Variants in EPCAM observed in about 807,000 individuals in gnomAD.
EPCAM encodes the protein adenocarcinoma-associated antigen.
Under a neutral mutation model 40.0 loss-of-function variants are expected in EPCAM, and 39 were observed. The ratio of observed to expected loss-of-function variants is 0.98; its 90% confidence interval spans 0.76 to 1.27. The LOEUF (loss-of-function observed/expected upper bound fraction) is 1.27. Ranked by LOEUF, EPCAM falls within the 50% of genes most tolerant of loss-of-function variation. The pLI, the probability that EPCAM is intolerant of heterozygous loss-of-function variation, is 0.00. For synonymous variants in EPCAM, 168 were observed against 132.3 expected (o/e 1.27, Z -1.85); for missense variants, 503 against 381.2 (o/e 1.32, Z -2.66).
rs2103759292 is a variant in EPCAM, at chr2:47,379,915, T to A, written c.804T>A (p.Val268=). The change falls in exon 7 of 9, where the codon GTT becomes GTA. Residue 268 remains valine, a synonymous_variant. Transcript: ENST00000263735. Reference sequence around the variant, plus strand: ...CAATGCAGGGTCTAAAAGCTGGTGTTATTGCTGTTATTGTGGTTGTGGTGA... The same window carrying A: ...CAATGCAGGGTCTAAAAGCTGGTGTAATTGCTGTTATTGTGGTTGTGGTGA... ...EFSMQGLKAG[V]IAVIVVVVIA... 6.2e-7 allele frequency: 1 copy of A among 1,614,118 alleles called. No homozygotes were observed. The highest frequency in any genetic ancestry group is 8.5e-7 in the Non-Finnish European group (1 of 1,180,006).
intron 7 of EPCAM, among the ~76,000 whole-genome samples, chr2:47,382,391 G>A (rs1273958241): frequency 1.3e-5 from 2 of 152,192 alleles, no homozygotes; most frequent in East Asian, 3.9e-4. Context: ...AGCATTGCTT[G>A]TAAAGGTGAA....
At chr2:47,379,273 T>C (rs950129081) in intron 6 of EPCAM, among the ~76,000 whole-genome samples, 4 of 152,224 alleles carry the variant, frequency 2.6e-5, no homozygotes, top group Non-Finnish European at 4.4e-5. Context: ...CCCTCTTTCT[T>C]ATAATTCTTA....
In EPCAM at chr2:47,378,939, A is replaced by AT; in HGVS notation, c.556-7dup. On this transcript the variant is annotated splice_polypyrimidine_tract_variant and intron_variant, in intron 5 of 8. Transcript: ENST00000263735. The stretch of plus-strand genomic sequence containing the variant: ...TATTAGTATTAATTTGTATTATTCA[A>AT]TTTTTTTCCCCAGTATGAGAATAAT... The AT allele has an allele frequency of 2.6e-6, 3 of 1,153,768 alleles. No homozygotes were observed. Among genetic ancestry groups the AT allele is most frequent in the African/African-American group, 1.5e-5 (1 of 66,110 alleles). 71.5% of individuals were successfully genotyped at this position (1,153,768 alleles called of 1,614,324 possible). A position where few individuals can be genotyped will look rare whatever the true frequency, so the allele number is the denominator to read the frequency against.
intron 2 of EPCAM, 110 bp from the exon 3 acceptor site, chr2:47,373,698 C>A (rs1671344416): frequency 6.7e-7 from 1 of 1,501,596 alleles, no homozygotes; most frequent in Non-Finnish European, 9.2e-7. Context: ...AGTGTGGGAA[C>A]ACATAAATTT....
rs2103759105 is a variant in EPCAM, at chr2:47,379,869, A to T, written c.758A>T (p.Asp253Val). The T allele has an allele frequency of 1.2e-6, 2 of 1,614,200 alleles. No homozygotes were observed. Among genetic ancestry groups the T allele is most frequent in the Non-Finnish European group, 1.7e-6 (2 of 1,180,044 alleles). ...DPGQTLIYYV[D>V]EKAPEFSMQG... ...GGTCAAACTTTAATTTATTATGTTG[A>T]TGAAAAAGCACCTGAATTCTCAATG... Residue 253 changes from aspartate to valine, a missense_variant, in exon 7 of 9, where the codon GAT (aspartate) becomes GTT (valine). By Grantham distance (152) the Asp-to-Val change is radical (BLOSUM62 -3). Transcript: ENST00000263735.
In EPCAM at chr2:47,377,045, C is replaced by T. The variant is rs878854491; in HGVS notation, c.523C>T (p.Gln175Ter). 1 of 1,610,248 alleles carries T rather than the reference C, an allele frequency of 6.2e-7. No homozygotes were observed. The highest frequency in any genetic ancestry group is 1.3e-5 in the African/African-American group (1 of 74,796). ...TCAGAAGGAGATCACAACGCGTTATCAACTGGATCCAAAATTTATCACGAG... is the reference window on the plus strand; with the variant it reads ...TCAGAAGGAGATCACAACGCGTTATTAACTGGATCCAAAATTTATCACGAG... ...ALQKEITTRY[Q>*]LDPKFITSIL... The change falls in exon 5 of 9, where the codon CAA becomes TAA. Residue 175 changes from glutamine (Q) to a stop codon, truncating the protein, a stop_gained. Coordinates refer to ENST00000263735, the MANE Select transcript of EPCAM (RefSeq NM_002354.3). LOFTEE classifies it high-confidence loss of function.
In EPCAM at chr2:47,373,501, T is replaced by G. The variant is rs1328984354; in HGVS notation, c.115T>G (p.Phe39Val). Residue 39 changes from phenylalanine to valine, a missense_variant, in exon 2 of 9, where the codon TTT (phenylalanine) becomes GTT (valine). Coordinates refer to ENST00000263735, the MANE Select transcript of EPCAM (RefSeq NM_002354.3). ...AAACTACAAGCTGGCCGTAAACTGC[T>G]TTGTGAATAATAATCGTCAATGCCA... is the stretch of plus-strand genomic sequence containing the variant. ...CENYKLAVNC[F>V]VNNNRQCQCT... 6.2e-7 allele frequency: 1 copy of G among 1,613,818 alleles called. No homozygotes were observed. The highest frequency in any genetic ancestry group is 8.5e-7 in the Non-Finnish European group (1 of 1,179,836).
At chr2:47,379,394 A>G (rs1466460181) in intron 6 of EPCAM, among the ~76,000 whole-genome samples, 1 of 152,224 alleles carries the variant, frequency 6.6e-6, no homozygotes, top group African/African-American at 2.4e-5. Context: ...ATATGATTAA[A>G]ATATTTTGTT....
intron 1 of EPCAM, chr2:47,369,943 G>A: frequency 2.6e-6 from 1 of 385,122 alleles, no homozygotes; most frequent in Admixed American, 3.6e-5. Flanking sequence ...TGGACTTGGG[G>A]TTCCAAAACA....
chr2:47,379,713 T>G (rs2103758505), intron 6 of EPCAM, 56 bp from the exon 7 acceptor site: 1 of 1,590,278 alleles, frequency 6.3e-7, no homozygotes, highest in Non-Finnish European at 8.6e-7. Flanking sequence ...TAATTATATG[T>G]GGCCATGGTT....
chr2:47,373,075 C>T (rs1671318943), intron 1 of EPCAM, among the ~76,000 whole-genome samples: 1 of 150,300 alleles, frequency 6.7e-6, no homozygotes, highest in African/African-American at 2.5e-5. Flanking sequence ...CATGGTGGTG[C>T]ATGGCTGTAG....
intron 7 of EPCAM, 25 bp from the exon 8 acceptor site, chr2:47,385,141 C>A (rs780195253): frequency 6.3e-7 from 1 of 1,593,128 alleles, no homozygotes; most frequent in Non-Finnish European, 8.6e-7. Context: ...AGTCCTAAAA[C>A]AATAGTTGTC....
chr2:47,370,867 C>T (rs1022279370), intron 1 of EPCAM, among the ~76,000 whole-genome samples: 16 of 152,086 alleles, frequency 1.1e-4, no homozygotes, highest in African/African-American at 3.4e-4. Context: ...AGGCATGCAC[C>T]ACCACGGTCA....
intron 7 of EPCAM, among the ~76,000 whole-genome samples, chr2:47,384,920 T>C (rs1046011340): frequency 1.3e-5 from 2 of 152,164 alleles, no homozygotes; most frequent in South Asian, 4.1e-4. Context: ...TTGGCTGGGC[T>C]GGTCTGAAAC....
At chr2:47,370,000 C>A (rs1231228395) in intron 1 of EPCAM, among the ~76,000 whole-genome samples, 1 of 152,194 alleles carries the variant, frequency 6.6e-6, no homozygotes, top group East Asian at 1.9e-4. Flanking sequence ...AGCGGGCTCG[C>A]CCTTGTCCTT....
intron 4 of EPCAM, among the ~76,000 whole-genome samples, chr2:47,376,423 A>AT (rs1021674064): frequency 6.0e-5 from 9 of 151,220 alleles, no homozygotes; most frequent in South Asian, 2.1e-4. Flanking sequence ...TGCCTGGCTA[A>AT]TTTTTTTTGT....
intron 1 of EPCAM, among the ~76,000 whole-genome samples, chr2:47,371,932 T>A (rs1671280625): frequency 6.6e-6 from 1 of 152,194 alleles, no homozygotes; most frequent in Non-Finnish European, 1.5e-5. Context: ...AGCTTTTTCT[T>A]TTTTTTCCTC....
At chr2:47,382,992 C>A (rs1422628867) in intron 7 of EPCAM, among the ~76,000 whole-genome samples, 1 of 150,650 alleles carries the variant, frequency 6.6e-6, no homozygotes, top group Non-Finnish European at 1.5e-5. Flanking sequence ...TGTTAAATTT[C>A]TTTCTTTTTT....
intron 1 of EPCAM, among the ~76,000 whole-genome samples, chr2:47,372,144 T>C (rs10185866): frequency 0.29 from 44,816 of 151,978 alleles, 7,026 homozygotes; most frequent in East Asian, 0.56. Context: ...TTAATTTAGT[T>C]AGGAAACTCA....
Sources: gnomAD v4.1 joint callset for allele counts (sites outside exome capture counted in the v4.1 genomes callset) on GRCh38, gnomAD v4.1.1 for gene constraint, MANE v1.5 for transcripts, NCBI Gene and HGNC (gene_info 2026-07-23, HGNC 2026-07-21) for gene names.